RGS7: variants seen among roughly 807,000 people sequenced by gnomAD.
RGS7 encodes the protein regulator of G protein signaling 7.
Under a neutral mutation model 81.1 loss-of-function variants are expected in RGS7, and 27 were observed. That is an observed-to-expected ratio of 0.33 (90% CI 0.25 to 0.46). RGS7 has a LOEUF of 0.46. Ranked by LOEUF, RGS7 falls within the 20% of genes least tolerant of loss-of-function variation. RGS7 has a pLI of 1.00. For missense variants in RGS7, 396 were observed against 607.4 expected (o/e 0.65, Z 3.66); for synonymous variants, 208 against 207.7 (o/e 1.00, Z -0.01).
In RGS7 at chr1:240,800,729, A is replaced by T; in HGVS notation, c.1414-8T>A. 6.6e-7 allele frequency: 1 copy of T among 1,525,578 alleles called. No individual in the cohort carries two copies. Among genetic ancestry groups the T allele is most frequent in the Non-Finnish European group, 8.9e-7 (1 of 1,125,762 alleles). 94.5% of individuals were successfully genotyped at this position (1,525,578 alleles called of 1,614,324 possible). A position where few individuals can be genotyped will look rare whatever the true frequency, so the allele number is the denominator to read the frequency against. On this transcript the variant is annotated splice_polypyrimidine_tract_variant and splice_region_variant and intron_variant, in intron 17 of 18. Coordinates refer to ENST00000440928, the MANE Select transcript of RGS7 (RefSeq NM_001364886.1). Reference sequence around the variant, plus strand: ...AATAGGGATGTTTCTGCCCTATAAAAATAAATGTGTTGAAGGCTTTAGTTT... The same window carrying T: ...AATAGGGATGTTTCTGCCCTATAAATATAAATGTGTTGAAGGCTTTAGTTT...
intron 2 of RGS7, among the ~76,000 whole-genome samples, chr1:241,145,846 G>T (rs113397799): frequency 0.011 from 1,663 of 152,312 alleles, 39 homozygotes; most frequent in East Asian, 0.06. Context: ...TGATGGTGAT[G>T]TTTAGAGTGA....
chr1:240,932,932 G>A (rs1470814688), intron 5 of RGS7, among the ~76,000 whole-genome samples: 1 of 126,752 alleles, frequency 7.9e-6, no homozygotes, highest in Non-Finnish European at 1.6e-5. Context: ...CGCCCAGGCT[G>A]GACTGCAGTG....
At chr1:240,938,256 G>T (rs1676973383) in intron 4 of RGS7, among the ~76,000 whole-genome samples, 1 of 152,140 alleles carries the variant, frequency 6.6e-6, no homozygotes, top group Non-Finnish European at 1.5e-5. Flanking sequence ...TAAATAGAGA[G>T]GGCCTACTGT....
At chr1:241,353,323 C>T (rs147398902) in intron 2 of RGS7, among the ~76,000 whole-genome samples, 125 of 152,178 alleles carry the variant, frequency 8.2e-4, no homozygotes, top group African/African-American at 2.8e-3. Context: ...ATGGAAAGCC[C>T]ATATAAGATA....
intron 2 of RGS7, among the ~76,000 whole-genome samples, chr1:241,311,493 G>C (rs2080528507): frequency 6.6e-6 from 1 of 152,220 alleles, no homozygotes. Context: ...AAGAGCTAAA[G>C]CTTGTGAGTT....
chr1:241,058,220 G>A (rs1308242646), intron 3 of RGS7, among the ~76,000 whole-genome samples: 1 of 152,274 alleles, frequency 6.6e-6, no homozygotes, highest in East Asian at 1.9e-4. Context: ...CCATCTGGGG[G>A]CGTTCCACCA....
At chr1:241,313,399 C>CT in intron 2 of RGS7, among the ~76,000 whole-genome samples, 1 of 152,274 alleles carries the variant, frequency 6.6e-6, no homozygotes, top group African/African-American at 2.4e-5. Context: ...CCGCTGGTGA[C>CT]TTTAAGTTTA....
chr1:241,277,346 G>A (rs1291626860), intron 2 of RGS7, among the ~76,000 whole-genome samples: 2 of 152,214 alleles, frequency 1.3e-5, no homozygotes, highest in Non-Finnish European at 1.5e-5. Flanking sequence ...CAGGCCAGGC[G>A]TGGTGGCTCA....
chr1:241,350,621 A>C (rs1346421717), intron 2 of RGS7, among the ~76,000 whole-genome samples: 1 of 152,174 alleles, frequency 6.6e-6, no homozygotes, highest in Middle Eastern at 3.4e-3. Flanking sequence ...AAAATGTTAA[A>C]GATCAACTGG....
intron 3 of RGS7, among the ~76,000 whole-genome samples, chr1:241,070,562 G>T (rs1285397474): frequency 6.6e-6 from 1 of 152,176 alleles, no homozygotes; most frequent in Non-Finnish European, 1.5e-5. Context: ...GTTGTGAATA[G>T]AAAGAGCTTC....
chr1:240,902,419 T>C (rs980119370), intron 6 of RGS7, among the ~76,000 whole-genome samples: 1 of 152,174 alleles, frequency 6.6e-6, no homozygotes. Context: ...TTCTCTTTTT[T>C]TCTGGAGTAC....
chr1:240,951,922 T>C (rs1679628537), intron 4 of RGS7, among the ~76,000 whole-genome samples: 1 of 151,964 alleles, frequency 6.6e-6, no homozygotes, highest in Admixed American at 6.6e-5. Flanking sequence ...AACAAAAATA[T>C]GAATGACAGT....
chr1:240,987,287 A>G (rs1202485383), intron 3 of RGS7, among the ~76,000 whole-genome samples: 1 of 152,232 alleles, frequency 6.6e-6, no homozygotes, highest in African/African-American at 2.4e-5. Context: ...TCAGCTAAAG[A>G]CATTAGTGAA....
At chr1:241,297,704 T>C (rs1262680952) in intron 2 of RGS7, among the ~76,000 whole-genome samples, 1 of 152,240 alleles carries the variant, frequency 6.6e-6, no homozygotes, top group Admixed American at 6.5e-5. Context: ...AGGTAGCTCT[T>C]GAGTTTATAA....
At chr1:240,832,277 T>A (rs1203787708) in intron 9 of RGS7, among the ~76,000 whole-genome samples, 2 of 152,236 alleles carry the variant, frequency 1.3e-5, no homozygotes, top group Non-Finnish European at 2.9e-5. Context: ...ATAGTATTGT[T>A]GGATGTAAGG....
At position 240,776,114 on chromosome 1, in the gene RGS7, A is replaced by C. The variant is rs200024705; in HGVS notation, c.*106T>G. 2.2e-6 allele frequency: 3 copies of C among 1,371,138 alleles called. No individual in the cohort carries two copies. Among genetic ancestry groups the C allele is most frequent in the Non-Finnish European group, 3.1e-6 (3 of 958,522 alleles). 84.9% of individuals were successfully genotyped at this position (1,371,138 alleles called of 1,614,324 possible). The stretch of plus-strand genomic sequence containing the variant: ...CTCCAGGTCACAACATTGAGCTACA[A>C]AGTGTGTGCAGTGACTCCAGTCTGC... On this transcript the variant is annotated 3_prime_UTR_variant, in exon 19 of 19. Transcript: ENST00000440928.
chr1:241,097,093 C>T (rs548373855), intron 3 of RGS7, among the ~76,000 whole-genome samples: 15 of 150,384 alleles, frequency 1.0e-4, no homozygotes, highest in African/African-American at 2.5e-4. Flanking sequence ...CAAAGTGGAG[C>T]GTACAAGAGA....
intron 4 of RGS7, among the ~76,000 whole-genome samples, chr1:240,946,115 CAATTAA>C (rs1678563228): frequency 6.6e-6 from 1 of 152,116 alleles, no homozygotes; most frequent in Non-Finnish European, 1.5e-5. Context: ...TTAAATACCA[CAATTAA>C]AATTATAACT....
At position 241,349,708 on chromosome 1, in the gene RGS7, A is replaced by G. The variant is rs565603366; in HGVS notation, c.78+5991T>C. Among the ~76,000 whole-genome samples, 8 of 152,364 alleles carry G rather than the reference A, an allele frequency of 5.3e-5. No homozygotes were observed. The East Asian group carries it at 7.7e-4, about 15-fold the overall frequency. On this transcript the variant is annotated intron_variant, in intron 2 of 18. Coordinates refer to ENST00000440928, the MANE Select transcript of RGS7 (RefSeq NM_001364886.1). ...TAATTGGGTTGATATTTTGTAGGAT[A>G]GAAGCCTGAGTAACCCTGACATCCA...
Sources: gnomAD v4.1 joint callset for allele counts (sites outside exome capture counted in the v4.1 genomes callset) on GRCh38, gnomAD v4.1.1 for gene constraint, MANE v1.5 for transcripts, NCBI Gene and HGNC (gene_info 2026-07-23, HGNC 2026-07-21) for gene names.